STK32A: variants seen among roughly 807,000 people sequenced by gnomAD.
STK32A encodes serine/threonine-protein kinase 32A.
A neutral mutation model predicts 53.2 loss-of-function variants in STK32A; 41 were observed. The observed-to-expected ratio is 0.77, with a 90% CI of 0.60 to 1.00. STK32A has a LOEUF of 1.00. Among genes scored for constraint, STK32A ranks in the 50% least tolerant of loss-of-function variants. STK32A has a pLI of 0.00. For missense variants in STK32A, 458 were observed against 485.8 expected (o/e 0.94, Z 0.54); for synonymous variants, 166 against 162.8 (o/e 1.02, Z -0.15).
At chr5:147,297,243 T>C (rs1752909529) in intron 4 of STK32A, among the ~76,000 whole-genome samples, 1 of 152,174 alleles carries the variant, frequency 6.6e-6, no homozygotes, top group African/African-American at 2.4e-5. Flanking sequence ...CAGCCGTATT[T>C]TCAAGGATCT....
At chr5:147,364,627 G>A (rs568148760) in intron 8 of STK32A, among the ~76,000 whole-genome samples, 31 of 152,244 alleles carry the variant, frequency 2.0e-4, no homozygotes, top group South Asian at 1.7e-3. Flanking sequence ...TGAGATTAAC[G>A]TGCCATCATG....
rs1248623417 is a variant in STK32A at position 147,383,590 on chromosome 5, A to G, written c.1097+85A>G. The G allele has an allele frequency of 8.8e-6, 10 of 1,137,124 alleles. No homozygotes were observed. The Admixed American group carries it at 2.6e-4, about 29-fold the overall frequency. The allele number at this position is 1,137,124 out of a possible 1,614,324, so 70.4% of individuals were successfully genotyped here. Reference sequence around the variant, plus strand: ...TACTTGCAGAGAAAATATATTTTTAACATTTTAAAAATTATTTTCTAATTG... The same window carrying G: ...TACTTGCAGAGAAAATATATTTTTAGCATTTTAAAAATTATTTTCTAATTG... On this transcript the variant is annotated intron_variant, in intron 12 of 12. Coordinates refer to ENST00000397936, the MANE Select transcript of STK32A (RefSeq NM_001112724.2).
chr5:147,361,693 G>A, intron 8 of STK32A, 79 bp downstream of exon 8: 6 of 1,055,978 alleles, frequency 5.7e-6, no homozygotes, highest in Non-Finnish European at 7.2e-6. Flanking sequence ...TGTTTGCTAA[G>A]ATCCAAGCAG....
the STK32A span, chr5:147,397,702 G>A: frequency 2.8e-5 from 46 of 1,614,082 alleles, no homozygotes; most frequent in East Asian, 4.9e-4. Flanking sequence ...AGACATAGTC[G>A]GAGAACGGGC....
chr5:147,311,451 T>C (rs1753692125), intron 4 of STK32A, among the ~76,000 whole-genome samples: 1 of 152,156 alleles, frequency 6.6e-6, no homozygotes, highest in Non-Finnish European at 1.5e-5. Context: ...TGGTTAGAAA[T>C]GAGCAGGGCA....
chr5:147,271,681 A>G (rs934415859), intron 2 of STK32A, among the ~76,000 whole-genome samples: 3 of 152,216 alleles, frequency 2.0e-5, no homozygotes, highest in South Asian at 4.2e-4. Flanking sequence ...GCCGTCTTCT[A>G]TGGTTGAAAC....
intron 4 of STK32A, among the ~76,000 whole-genome samples, chr5:147,320,954 T>C (rs1754284053): frequency 6.6e-6 from 1 of 152,190 alleles, no homozygotes; most frequent in Admixed American, 6.5e-5. Flanking sequence ...AAAACTCACA[T>C]TGTAAAAATA....
At chr5:147,354,372 A>C (rs1756124296) in intron 7 of STK32A, among the ~76,000 whole-genome samples, 2 of 152,118 alleles carry the variant, frequency 1.3e-5, no homozygotes, top group Non-Finnish European at 2.9e-5. Context: ...GTTGGTTTCC[A>C]TGGTGAGAGA....
intron 5 of STK32A, among the ~76,000 whole-genome samples, chr5:147,326,540 CATTT>C (rs1754599395): frequency 6.6e-6 from 1 of 152,116 alleles, no homozygotes; most frequent in South Asian, 2.1e-4. Context: ...ATAATTAATT[CATTT>C]GTCTCCTTTA....
chr5:147,375,274 A>G (rs549483843), intron 11 of STK32A, 56 bp downstream of exon 11: 2 of 1,577,176 alleles, frequency 1.3e-6, no homozygotes, highest in Admixed American at 3.8e-5. Flanking sequence ...TGGCTGCAAT[A>G]TCTTCGAGAG....
rs1258547917 is a variant in STK32A at position 147,386,257 on chromosome 5, T to C, written c.*2274T>C. On this transcript the variant is annotated 3_prime_UTR_variant, in exon 13 of 13. Coordinates refer to ENST00000397936, the MANE Select transcript of STK32A (RefSeq NM_001112724.2). ...TGACTCGATTTCAGAGAAGGGGATG[T>C]GTTGGAAAGAGCAAGAATAAGAAAG... 1 of 152,166 alleles carries C rather than the reference T, an allele frequency of 6.6e-6. No homozygotes were observed. The highest frequency in any genetic ancestry group is 2.4e-5 in the African/African-American group (1 of 41,434). The allele number at this position is 152,166 out of a possible 1,614,324, so 9.4% of individuals were successfully genotyped here.
chr5:147,366,772 C>T (rs1756766215), intron 8 of STK32A, among the ~76,000 whole-genome samples: 2 of 152,174 alleles, frequency 1.3e-5, no homozygotes, highest in East Asian at 1.9e-4. Flanking sequence ...CATTCACTTC[C>T]AACTTGTTTC....
At chr5:147,254,744 G>C (rs1349850552) in intron 2 of STK32A, among the ~76,000 whole-genome samples, 1 of 152,204 alleles carries the variant, frequency 6.6e-6, no homozygotes, top group Non-Finnish European at 1.5e-5. Context: ...TCAGGGCAGA[G>C]CAGATAGCAG....
chr5:147,305,302 T>C (rs1753349427), intron 4 of STK32A, among the ~76,000 whole-genome samples: 1 of 152,082 alleles, frequency 6.6e-6, no homozygotes. Context: ...GCCTCACAGA[T>C]AGGTTACCAC....
intron 4 of STK32A, among the ~76,000 whole-genome samples, chr5:147,314,727 T>C (rs1295433436): frequency 6.9e-6 from 1 of 144,770 alleles, no homozygotes; most frequent in Non-Finnish European, 1.5e-5. Context: ...TTCATACCTA[T>C]TGCTTTCTTT....
chr5:147,360,459 A>AG (rs1756449855), intron 7 of STK32A, among the ~76,000 whole-genome samples: 1 of 144,150 alleles, frequency 6.9e-6, no homozygotes, highest in Admixed American at 6.9e-5. Context: ...TCAAAAAAAA[A>AG]AAAAAAAAGA....
At chr5:147,290,524 A>G (rs1344808853) in intron 4 of STK32A, among the ~76,000 whole-genome samples, 1 of 152,172 alleles carries the variant, frequency 6.6e-6, no homozygotes, top group Non-Finnish European at 1.5e-5. Context: ...CTTTCCCAGC[A>G]TAGTTGATTC....
At position 147,271,569 on chromosome 5, in the gene STK32A, A is replaced by G. The variant is rs185808577; in HGVS notation, c.53-6555A>G. On this transcript the variant is annotated intron_variant, in intron 2 of 12. Coordinates refer to ENST00000397936, the MANE Select transcript of STK32A (RefSeq NM_001112724.2). ...GATATTTCTCTTCTTTCAAAAGCAA[A>G]TGGGAGAAATATCGCTGAATTCTTT... is the stretch of plus-strand genomic sequence containing the variant. Among the ~76,000 whole-genome samples, 68 of 152,242 alleles carry G rather than the reference A, an allele frequency of 4.5e-4. 2 individuals are homozygous for G. Among genetic ancestry groups the G allele is most frequent in the African/African-American group, 1.6e-3 (67 of 41,520 alleles).
Position 147,384,845 on chromosome 5 carries a change from A to T in STK32A, c.*862A>T, listed in dbSNP as rs1373624439. ...AAAAGAATGTCATCACACTGAAAGTATGTCCACCTTGCAGTTCAGAAAAGT... is the reference window on the plus strand; with the variant it reads ...AAAAGAATGTCATCACACTGAAAGTTTGTCCACCTTGCAGTTCAGAAAAGT... On this transcript the variant is annotated 3_prime_UTR_variant, in exon 13 of 13. Coordinates refer to ENST00000397936, the MANE Select transcript of STK32A (RefSeq NM_001112724.2). 6.1e-6 allele frequency: 1 copy of T among 164,874 alleles called. No homozygotes were observed. The highest frequency in any genetic ancestry group is 1.3e-5 in the Non-Finnish European group (1 of 76,838). 10.2% of individuals were successfully genotyped at this position (164,874 alleles called of 1,614,324 possible). A position where few individuals can be genotyped will look rare whatever the true frequency, so the allele number is the denominator to read the frequency against.
Sources: allele counts gnomAD v4.1 joint callset (sites outside exome capture counted in the v4.1 genomes callset), GRCh38; gene constraint gnomAD v4.1.1; transcripts MANE v1.5; gene names NCBI Gene and HGNC (gene_info 2026-07-23, HGNC 2026-07-21).